The following FFAR4 variants were observed in gnomAD, a reference collection of about 807,000 sequenced individuals.
FFAR4 encodes free fatty acid receptor 4, also known as G-protein coupled receptor 120.
A neutral mutation model predicts 27.0 loss-of-function variants in FFAR4; 19 were observed. That is an observed-to-expected ratio of 0.70 (90% CI 0.49 to 1.03). FFAR4 has a LOEUF of 1.03. FFAR4 is among the 50% of genes least tolerant of loss of function. The pLI is 0.00. For synonymous variants in FFAR4, 254 were observed against 215.6 expected, an observed-to-expected ratio of 1.18 and a Z score of -1.56; for missense variants, 476 against 479.0, an observed-to-expected ratio of 0.99 and a Z score of 0.06.
chr10:93,580,573 G>A (rs1280944499), intron 2 of FFAR4, among the ~76,000 whole-genome samples: 2 of 152,196 alleles, frequency 1.3e-5, no homozygotes, highest in African/African-American at 4.8e-5. Context: ...AATATACTTT[G>A]AGGATCTCCC....
intron 2 of FFAR4, among the ~76,000 whole-genome samples, chr10:93,584,247 G>A (rs759764007): frequency 4.6e-5 from 7 of 152,176 alleles, no homozygotes; most frequent in Non-Finnish European, 1.0e-4. Context: ...TGTGTATCCT[G>A]AGCAACCTTC....
At chr10:93,569,954 G>T (rs2058122511) in intron 1 of FFAR4, among the ~76,000 whole-genome samples, 2 of 151,828 alleles carry the variant, frequency 1.3e-5, no homozygotes, top group African/African-American at 4.8e-5. Flanking sequence ...AGCTACAAGG[G>T]AGGCTGAGGC....
chr10:93,573,306 A>G (rs9630085), intron 1 of FFAR4, among the ~76,000 whole-genome samples: 47,015 of 152,146 alleles, frequency 0.31, 9,154 homozygotes, highest in African/African-American at 0.55. Flanking sequence ...TCTGTAACTC[A>G]GTAACAAGGC....
At chr10:93,574,973 C>G (rs537949208) in intron 1 of FFAR4, among the ~76,000 whole-genome samples, 88 of 152,344 alleles carry the variant, frequency 5.8e-4, no homozygotes, top group Non-Finnish European at 1.2e-3. Context: ...CTTCCCCCTA[C>G]CATGTGTTCA....
chr10:93,573,775 C>CG, intron 1 of FFAR4, among the ~76,000 whole-genome samples: 1 of 152,228 alleles, frequency 6.6e-6, no homozygotes, highest in Admixed American at 6.5e-5. Context: ...GGAGAACGAG[C>CG]GTCTTTATTA....
At chr10:93,586,722 T>C (rs1445065826) in intron 2 of FFAR4, among the ~76,000 whole-genome samples, 2 of 152,188 alleles carry the variant, frequency 1.3e-5, no homozygotes, top group African/African-American at 2.4e-5. Flanking sequence ...AAAGAGCAGA[T>C]GCCTGCAATC....
intron 2 of FFAR4, 98 bp from the exon 3 acceptor site, chr10:93,587,122 C>A (rs11187538): frequency 1.8e-6 from 2 of 1,088,700 alleles, no homozygotes; most frequent in Non-Finnish European, 2.6e-6. Flanking sequence ...AGCTTCAGTG[C>A]CTTGGGGATA....
At chr10:93,568,322 G>A (rs2058112245) in intron 1 of FFAR4, among the ~76,000 whole-genome samples, 1 of 152,162 alleles carries the variant, frequency 6.6e-6, no homozygotes, top group Non-Finnish European at 1.5e-5. Context: ...ACTTAGGTCT[G>A]TGCGCTGGGG....
At chr10:93,573,365 A>T (rs1056770925) in intron 1 of FFAR4, among the ~76,000 whole-genome samples, 1 of 152,230 alleles carries the variant, frequency 6.6e-6, no homozygotes, top group Non-Finnish European at 1.5e-5. Flanking sequence ...ATCAGGGGAC[A>T]TTTCACATGT....
chr10:93,575,960 G>A (rs1315391993), intron 1 of FFAR4, 131 bp from the exon 2 acceptor site: 1 of 826,500 alleles, frequency 1.2e-6, no homozygotes, highest in Non-Finnish European at 2.0e-6. Flanking sequence ...GGATTCTGGG[G>A]TTCACTGTCA....
chr10:93,576,145 G>A lies in FFAR4; in HGVS notation c.622G>A (p.Asp208Asn). 2 of 1,613,920 alleles carry A rather than the reference G, an allele frequency of 1.2e-6. No individual in the cohort carries two copies. Among genetic ancestry groups the A allele is most frequent in the Non-Finnish European group, 8.5e-7 (1 of 1,179,808 alleles). ...CACCATTCCTGGAGAGATCTCGTGG[G>A]ATGTCTCTTTTGTTACTTTGAACTT... ...WPTIPGEISW[D>N]VSFVTLNFLV... is the part of the protein sequence containing the mutation. The change falls in exon 2 of 3, where the codon GAT becomes AAT. Residue 208 changes from aspartate to asparagine, a missense_variant. Transcript: ENST00000371481.
chr10:93,568,159 C>G (rs572561416), intron 1 of FFAR4, among the ~76,000 whole-genome samples: 17 of 152,058 alleles, frequency 1.1e-4, no homozygotes, highest in Non-Finnish European at 2.2e-4. Context: ...TTTCTCTTGC[C>G]GCTTTGCCCG....
Position 93,566,785 on chromosome 10 carries a change from G to T in FFAR4, c.65G>T (p.Arg22Leu). Residue 22 changes from arginine to leucine, a missense_variant, in exon 1 of 3, where the codon CGC becomes CTC. Arg to Leu is a moderately radical substitution (Grantham distance 102). Transcript: ENST00000371481. Reference protein sequence around the residue: ...APLRSLEQANRTRFPFFSDVK... With the variant: ...APLRSLEQANLTRFPFFSDVK... ...TTGCGCAGCCTGGAGCAAGCCAACC[G>T]CACCCGCTTTCCCTTCTTCTCCGAC... 6.2e-7 allele frequency: 1 copy of T among 1,608,378 alleles called. No individual in the cohort carries two copies.
Position 93,571,249 on chromosome 10 carries a change from A to G in FFAR4, c.567+3962A>G, listed in dbSNP as rs1325465316. ...GGCAGTGACCCACATCGGCAGGTGG[A>G]GAAGACTGTCTATCCTGGCCAGAAT... On this transcript the variant is annotated intron_variant, in intron 1 of 2. Transcript: ENST00000371481. Among the ~76,000 whole-genome samples, 5 of 152,094 alleles carry G rather than the reference A, an allele frequency of 3.3e-5. No homozygotes were observed. The South Asian group carries it at 1.0e-3, about 32-fold the overall frequency.
Position 93,573,067 on chromosome 10 carries a change from C to A in FFAR4, c.568-3024C>A, listed in dbSNP as rs186450853. On this transcript the variant is annotated intron_variant, in intron 1 of 2. Transcript: ENST00000371481. ...TCCAGGCATAGCAGAAACAACCCCCCCTGGGTGGCTCTACCCTCTCTGGTC... is the reference window on the plus strand; with the variant it reads ...TCCAGGCATAGCAGAAACAACCCCCACTGGGTGGCTCTACCCTCTCTGGTC... 3.1e-3 allele frequency among the ~76,000 whole-genome samples: 472 copies of A among 152,294 alleles called. 2 individuals are homozygous for A. Among genetic ancestry groups the A allele is most frequent in the Admixed American group, 5.6e-3 (85 of 15,298 alleles).
At chr10:93,574,789 G>T (rs1044856326) in intron 1 of FFAR4, among the ~76,000 whole-genome samples, 4 of 152,072 alleles carry the variant, frequency 2.6e-5, no homozygotes, top group African/African-American at 9.7e-5. Context: ...AGCTACTCGG[G>T]AGGCTGAGGC....
intron 1 of FFAR4, among the ~76,000 whole-genome samples, chr10:93,575,749 C>G (rs2058159930): frequency 6.6e-6 from 1 of 152,172 alleles, no homozygotes; most frequent in African/African-American, 2.4e-5. Flanking sequence ...AAATGGCAGG[C>G]TTGGAAGAGA....
intron 2 of FFAR4, among the ~76,000 whole-genome samples, chr10:93,579,393 G>A (rs891568336): frequency 6.6e-6 from 1 of 152,060 alleles, no homozygotes; most frequent in Non-Finnish European, 1.5e-5. Context: ...TGCTGCCCCA[G>A]GGCCTTTGCA....
chr10:93,587,054 G>A (rs558581861), intron 2 of FFAR4, among the ~76,000 whole-genome samples, 166 bp from the exon 3 acceptor site: 19 of 152,206 alleles, frequency 1.2e-4, no homozygotes, highest in African/African-American at 2.9e-4. Context: ...GAGTGCAGCC[G>A]GGGTCCCATT....
Sources: gnomAD v4.1 joint callset for allele counts (sites outside exome capture counted in the v4.1 genomes callset) on GRCh38, gnomAD v4.1.1 for gene constraint, MANE v1.5 for transcripts, NCBI Gene and HGNC (gene_info 2026-07-23, HGNC 2026-07-21) for gene names.